The following PLA2G4A variants were observed in gnomAD, a reference collection of about 807,000 sequenced individuals.
PLA2G4A encodes the protein phospholipase A2 group IVA.
PLA2G4A carries 40 observed loss-of-function variants against 81.9 expected under a neutral mutation model. That is an observed-to-expected ratio of 0.49 (90% CI 0.38 to 0.64). The LOEUF (loss-of-function observed/expected upper bound fraction) is 0.64. PLA2G4A is among the 30% of genes least tolerant of loss of function. The pLI is 0.00. For synonymous variants in PLA2G4A, 302 were observed against 296.9 expected (o/e 1.02, Z -0.18); for missense variants, 715 against 905.1 (o/e 0.79, Z 2.69).
intron 2 of PLA2G4A, among the ~76,000 whole-genome samples, chr1:186,861,003 T>G (rs1652777231): frequency 6.6e-6 from 1 of 152,228 alleles, no homozygotes; most frequent in East Asian, 1.9e-4. Flanking sequence ...TGCTAGTTTG[T>G]AGTCTTGGTG....
chr1:186,939,499 A>G (rs1027207017), intron 9 of PLA2G4A, among the ~76,000 whole-genome samples: 98 of 73,558 alleles, frequency 1.3e-3, no homozygotes, highest in African/African-American at 0.011. Flanking sequence ...CTGGAAAAAA[A>G]AAAAAAAAAA....
At position 186,944,292 on chromosome 1, in the gene PLA2G4A, A is replaced by C. The variant is rs573468431; in HGVS notation, c.1034-2345A>C. On this transcript the variant is annotated intron_variant, in intron 10 of 17. Transcript: ENST00000367466. ...ACCAGCAGGAGAGAATTAGTTGAAA[A>C]CTAACACCGTGAGTTCTTCAGTGAG... Among the ~76,000 whole-genome samples, 130 of 152,186 alleles carry C rather than the reference A, an allele frequency of 8.5e-4. 2 individuals carry two copies. The highest frequency in any genetic ancestry group is 3.1e-3 in the African/African-American group (127 of 41,546).
At chr1:186,888,645 G>A (rs555497712) in intron 3 of PLA2G4A, among the ~76,000 whole-genome samples, 12 of 152,054 alleles carry the variant, frequency 7.9e-5, no homozygotes, top group Non-Finnish European at 1.3e-4. Context: ...TCCATAATCC[G>A]AATTTTCAGT....
At chr1:186,843,037 G>T (rs1652045161) in intron 1 of PLA2G4A, among the ~76,000 whole-genome samples, 1 of 152,134 alleles carries the variant, frequency 6.6e-6, no homozygotes, top group African/African-American at 2.4e-5. Context: ...GATGACCTGG[G>T]AACTTTTTTA....
intron 14 of PLA2G4A, among the ~76,000 whole-genome samples, chr1:186,957,020 C>T (rs1407741123): frequency 6.6e-6 from 1 of 151,930 alleles, no homozygotes; most frequent in Non-Finnish European, 1.5e-5. Context: ...GAAACCCCGT[C>T]TCTACTAAGT....
At chr1:186,905,893 A>G (rs1654720120) in intron 5 of PLA2G4A, among the ~76,000 whole-genome samples, 2 of 152,240 alleles carry the variant, frequency 1.3e-5, no homozygotes, top group African/African-American at 4.8e-5. Flanking sequence ...AGCACTGAGA[A>G]TCAATCATCT....
At chr1:186,988,315 T>TA (rs1203276835) in intron 17 of PLA2G4A, 62 bp from the exon 18 acceptor site, 8 of 1,283,924 alleles carry the variant, frequency 6.2e-6, no homozygotes, top group East Asian at 2.6e-5. Context: ...TTTATTTTAA[T>TA]AAAAAATATA....
chr1:186,931,557 T>C (rs906526903), intron 7 of PLA2G4A, among the ~76,000 whole-genome samples: 1 of 144,416 alleles, frequency 6.9e-6, no homozygotes, highest in Non-Finnish European at 1.5e-5. Flanking sequence ...TTATTATTAT[T>C]ACACTGCCTA....
chr1:186,900,547 T>C (rs530903373), intron 5 of PLA2G4A, among the ~76,000 whole-genome samples: 5 of 152,302 alleles, frequency 3.3e-5, no homozygotes, highest in Admixed American at 3.3e-4. Flanking sequence ...GCAGTGATCA[T>C]TTGTTTCAGG....
At chr1:186,956,027 A>G in intron 13 of PLA2G4A, 75 bp from the exon 14 acceptor site, 1 of 1,359,322 alleles carries the variant, frequency 7.4e-7, no homozygotes, top group South Asian at 1.2e-5. Flanking sequence ...GGCGTGAGCC[A>G]CCGTGCCCAG....
At chr1:186,869,012 A>G (rs1653142621) in intron 2 of PLA2G4A, among the ~76,000 whole-genome samples, 1 of 125,428 alleles carries the variant, frequency 8.0e-6, no homozygotes, top group Admixed American at 7.9e-5. Context: ...GATTTTTTCT[A>G]TTTCCTGTTT....
intron 1 of PLA2G4A, among the ~76,000 whole-genome samples, chr1:186,841,449 G>A (rs1371981588): frequency 6.6e-6 from 1 of 152,148 alleles, no homozygotes. Flanking sequence ...GGTGGGGCAG[G>A]GAGGATGCCA....
intron 3 of PLA2G4A, among the ~76,000 whole-genome samples, chr1:186,873,261 G>T (rs1571353963): frequency 1.3e-5 from 2 of 152,074 alleles, no homozygotes; most frequent in Admixed American, 6.6e-5. Flanking sequence ...GAATTTTGAT[G>T]ATATTTCTTG....
At chr1:186,908,968 C>CTTTTTTTTTTTTTTTTTTTTTTT (rs1201226836) in intron 6 of PLA2G4A, among the ~76,000 whole-genome samples, 1 of 75,090 alleles carries the variant, frequency 1.3e-5, no homozygotes, top group Admixed American at 1.8e-4. Context: ...CTTTTCTTTT[C>CTTTTTTTTTTTTTTTTTTTTTTT]TTTTTTTTTT....
chr1:186,966,751 T>C (rs1657147014), intron 15 of PLA2G4A, among the ~76,000 whole-genome samples: 1 of 152,180 alleles, frequency 6.6e-6, no homozygotes, highest in Non-Finnish European at 1.5e-5. Flanking sequence ...TTTCTTGACT[T>C]CCACATATAT....
At chr1:186,861,121 G>C (rs1161551128) in intron 2 of PLA2G4A, among the ~76,000 whole-genome samples, 1 of 152,126 alleles carries the variant, frequency 6.6e-6, no homozygotes, top group Non-Finnish European at 1.5e-5. Context: ...CAGGCCCCTG[G>C]GGACACTAGC....
rs61704569 is a variant in PLA2G4A, at chr1:186,839,965, C to CTT, written c.-70+10957_-70+10958dup. The stretch of plus-strand genomic sequence containing the variant: ...ACATGTATTTCAACATAATTGACTT[C>CTT]TTTTTTTTTTTTTTTTTTTTTTTTT... On this transcript the variant is annotated intron_variant, in intron 1 of 17. Transcript: ENST00000367466. 5.9e-4 allele frequency among the ~76,000 whole-genome samples: 44 copies of CTT among 75,056 alleles called. 1 individual carries two copies. The highest frequency in any genetic ancestry group is 7.0e-4 in the Admixed American group (4 of 5,740). The allele number at this position is 75,056 out of a possible 152,430, so 49.2% of individuals were successfully genotyped here. A position where few individuals can be genotyped will look rare whatever the true frequency, so the allele number is the denominator to read the frequency against.
intron 1 of PLA2G4A, among the ~76,000 whole-genome samples, chr1:186,832,623 T>C (rs1651633729): frequency 6.6e-6 from 1 of 152,214 alleles, no homozygotes; most frequent in Admixed American, 6.5e-5. Flanking sequence ...CTTGTTTAAA[T>C]TTACATTTCT....
intron 3 of PLA2G4A, among the ~76,000 whole-genome samples, chr1:186,889,556 A>G (rs1320894621): frequency 6.6e-6 from 1 of 152,216 alleles, no homozygotes; most frequent in East Asian, 1.9e-4. Context: ...ACCACTAAAC[A>G]TACACATGCA....
Sources: gnomAD v4.1 joint callset for allele counts (sites outside exome capture counted in the v4.1 genomes callset) on GRCh38, gnomAD v4.1.1 for gene constraint, MANE v1.5 for transcripts, NCBI Gene and HGNC (gene_info 2026-07-23, HGNC 2026-07-21) for gene names.